Variants in RALGPS2 observed in about 807,000 individuals in gnomAD.
RALGPS2 encodes the protein Ral GEF with PH domain and SH3 binding motif 2, also known as ras-specific guanine nucleotide-releasing factor RalGPS2.
A neutral mutation model predicts 86.8 loss-of-function variants in RALGPS2; 43 were observed. That is an observed-to-expected ratio of 0.50 (90% CI 0.39 to 0.64). The LOEUF (loss-of-function observed/expected upper bound fraction) is 0.64. Among genes scored for constraint, RALGPS2 ranks in the 30% least tolerant of loss-of-function variants. RALGPS2 has a pLI of 0.00. For synonymous variants in RALGPS2, 243 were observed against 231.3 expected (o/e 1.05, Z -0.46); for missense variants, 536 against 694.6 (o/e 0.77, Z 2.57).
At chr1:178,865,510 C>T (rs766986212) in intron 8 of RALGPS2, 8 of 1,614,060 alleles carry the variant, frequency 5.0e-6, no homozygotes, top group Non-Finnish European at 5.9e-6. Context: ...AGAGCACATC[C>T]TTCAGGTTTT....
At chr1:178,776,339 AT>A (rs1653081479) in intron 1 of RALGPS2, among the ~76,000 whole-genome samples, 1 of 152,208 alleles carries the variant, frequency 6.6e-6, no homozygotes, top group African/African-American at 2.4e-5. Flanking sequence ...GTGTTGTGGT[AT>A]GTGTTACTTT....
At chr1:178,813,972 A>G (rs1385510574) in intron 6 of RALGPS2, among the ~76,000 whole-genome samples, 1 of 152,216 alleles carries the variant, frequency 6.6e-6, no homozygotes, top group Non-Finnish European at 1.5e-5. Flanking sequence ...ACAAAAGAAT[A>G]TAAGAATATT....
intron 4 of RALGPS2, among the ~76,000 whole-genome samples, chr1:178,792,203 A>G (rs1653988748): frequency 6.6e-6 from 1 of 152,230 alleles, no homozygotes; most frequent in Non-Finnish European, 1.5e-5. Flanking sequence ...AGAATTCACC[A>G]TTAAACTTCA....
chr1:178,793,769 T>A (rs1342345716), intron 4 of RALGPS2, among the ~76,000 whole-genome samples: 1 of 152,210 alleles, frequency 6.6e-6, no homozygotes, highest in Non-Finnish European at 1.5e-5. Context: ...ATGCATATGA[T>A]CTCCCATTGT....
chr1:178,829,680 A>G (rs1453215082), intron 7 of RALGPS2, among the ~76,000 whole-genome samples: 1 of 152,174 alleles, frequency 6.6e-6, no homozygotes, highest in Non-Finnish European at 1.5e-5. Flanking sequence ...ATAGTTAATA[A>G]GACTATGTTG....
At chr1:178,798,736 T>C (rs898407396) in intron 4 of RALGPS2, among the ~76,000 whole-genome samples, 1 of 152,184 alleles carries the variant, frequency 6.6e-6, no homozygotes, top group African/African-American at 2.4e-5. Flanking sequence ...TTTTATCTTG[T>C]ATTGAAAATG....
intron 6 of RALGPS2, 142 bp from the exon 7 acceptor site, chr1:178,821,470 A>G (rs561551346): frequency 1.8e-5 from 11 of 602,080 alleles, no homozygotes; most frequent in South Asian, 4.5e-5. Flanking sequence ...AACACAGGGT[A>G]CTCTAAAGAC....
intron 5 of RALGPS2, among the ~76,000 whole-genome samples, chr1:178,808,779 G>A (rs1245519836): frequency 6.6e-6 from 1 of 151,924 alleles, no homozygotes; most frequent in Non-Finnish European, 1.5e-5. Context: ...TTTTGCTTGG[G>A]GCATCTTTGT....
intron 1 of RALGPS2, among the ~76,000 whole-genome samples, chr1:178,759,084 A>G (rs527670499): frequency 2.3e-4 from 35 of 152,014 alleles, no homozygotes; most frequent in African/African-American, 6.0e-4. Context: ...ATGTGATCCT[A>G]TTTGTCCATT....
At chr1:178,827,488 G>A (rs1302258321) in intron 7 of RALGPS2, among the ~76,000 whole-genome samples, 2 of 146,330 alleles carry the variant, frequency 1.4e-5, no homozygotes, top group Admixed American at 6.9e-5. Flanking sequence ...TCCGCCTCCC[G>A]GGTTCACGCC....
chr1:178,735,445 T>TG (rs1267776709), intron 1 of RALGPS2, among the ~76,000 whole-genome samples: 1 of 150,824 alleles, frequency 6.6e-6, no homozygotes, highest in Non-Finnish European at 1.5e-5. Context: ...TTTTTTTTTT[T>TG]TTGATGCTGT....
chr1:178,827,228 G>T (rs1239277196), intron 7 of RALGPS2, among the ~76,000 whole-genome samples: 1 of 152,094 alleles, frequency 6.6e-6, no homozygotes, highest in Non-Finnish European at 1.5e-5. Flanking sequence ...TATCCATACA[G>T]CCCAAAGCAA....
intron 15 of RALGPS2, 172 bp from the exon 16 acceptor site, chr1:178,893,747 G>A (rs1659817884): frequency 1.5e-5 from 7 of 479,322 alleles, no homozygotes; most frequent in South Asian, 3.7e-5. Context: ...TCAACTTTTT[G>A]TACAGCTTAT....
At chr1:178,748,926 A>G (rs548981665) in intron 1 of RALGPS2, among the ~76,000 whole-genome samples, 2 of 151,326 alleles carry the variant, frequency 1.3e-5, no homozygotes, top group African/African-American at 4.8e-5. Flanking sequence ...TCATAGGTGT[A>G]TACTATATAT....
intron 8 of RALGPS2, among the ~76,000 whole-genome samples, chr1:178,875,059 G>A (rs980163868): frequency 2.0e-5 from 3 of 152,148 alleles, no homozygotes; most frequent in Non-Finnish European, 4.4e-5. Context: ...AATCAGGAAC[G>A]CTGAAGTAAA....
In RALGPS2 at chr1:178,892,299, G is replaced by T; in HGVS notation, c.1317G>T (p.Lys439Asn). 1 of 1,612,400 alleles carries T rather than the reference G, an allele frequency of 6.2e-7. No individual in the cohort carries two copies. Among genetic ancestry groups the T allele is most frequent in the East Asian group, 2.2e-5 (1 of 44,812 alleles). The change falls in exon 15 of 20, where the codon AAG becomes AAT. Residue 439 changes from lysine to asparagine, a missense_variant. Coordinates refer to ENST00000367635, the MANE Select transcript of RALGPS2 (RefSeq NM_152663.5). ...VARNGYRSHM[K>N]ASSSAESEDL... Reference sequence around the variant, plus strand: ...GAAATGGCTATCGAAGTCACATGAAGGCCAGCAGGTACAATTCCCCTGCAT... The same window carrying T: ...GAAATGGCTATCGAAGTCACATGAATGCCAGCAGGTACAATTCCCCTGCAT...
chr1:178,749,387 G>A (rs938376837), intron 1 of RALGPS2, among the ~76,000 whole-genome samples: 2 of 152,194 alleles, frequency 1.3e-5, no homozygotes. Flanking sequence ...TCAGGAGGCT[G>A]AGGCAGGAGA....
At chr1:178,814,214 T>G (rs1431120986) in intron 6 of RALGPS2, among the ~76,000 whole-genome samples, 2 of 152,236 alleles carry the variant, frequency 1.3e-5, no homozygotes, top group Admixed American at 1.3e-4. Context: ...CTTTCATAAC[T>G]CAGCAGTGTT....
At chr1:178,782,897 G>T (rs935211815) in intron 2 of RALGPS2, among the ~76,000 whole-genome samples, 2 of 152,002 alleles carry the variant, frequency 1.3e-5, no homozygotes, top group Non-Finnish European at 2.9e-5. Context: ...TACAGTAAAG[G>T]CCTATTCAAC....
Sources: gnomAD v4.1 joint callset for allele counts (sites outside exome capture counted in the v4.1 genomes callset) on GRCh38, gnomAD v4.1.1 for gene constraint, MANE v1.5 for transcripts, NCBI Gene and HGNC (gene_info 2026-07-23, HGNC 2026-07-21) for gene names.